MAF: variants seen among roughly 807,000 people sequenced by gnomAD.
MAF encodes transcription factor Maf.
A neutral mutation model predicts 22.0 loss-of-function variants in MAF; 10 were observed. The ratio of observed to expected loss-of-function variants is 0.45; its 90% CI spans 0.28 to 0.77. The LOEUF (loss-of-function observed/expected upper bound fraction) is 0.77, where lower values mean the gene tolerates loss of function less well. Among genes scored for constraint, MAF ranks in the 30% least tolerant of loss-of-function variants. The probability of loss-of-function intolerance (pLI) is 0.12; values close to 1 mark genes in which losing one functional copy is unlikely to be tolerated. For missense variants in MAF, 544 were observed against 548.4 expected (o/e 0.99, Z 0.08); for synonymous variants, 337 against 255.8 (o/e 1.32, Z -3.03).
the MAF span, among the ~76,000 whole-genome samples, chr16:79,494,284 G>A: frequency 6.6e-6 from 1 of 152,112 alleles, no homozygotes; most frequent in Admixed American, 6.6e-5. Context: ...AAAAAATTGG[G>A]TTTGCCCATT....
At chr16:79,374,544 A>G in the MAF span, among the ~76,000 whole-genome samples, 1 of 152,188 alleles carries the variant, frequency 6.6e-6, no homozygotes, top group Admixed American at 6.5e-5. Flanking sequence ...GACACCTGGT[A>G]ATATTTCCAA....
chr16:79,528,270 C>G, the MAF span, among the ~76,000 whole-genome samples: 5 of 152,196 alleles, frequency 3.3e-5, no homozygotes, highest in South Asian at 1.0e-3. Flanking sequence ...GCCCTTTGTC[C>G]CCTCTCATGG....
the MAF span, among the ~76,000 whole-genome samples, chr16:79,287,236 T>C: frequency 2.0e-5 from 3 of 152,268 alleles, no homozygotes; most frequent in Admixed American, 2.0e-4. Flanking sequence ...GGTGTTCTCT[T>C]TCACTTCCTG....
At chr16:79,257,337 C>T in the MAF span, among the ~76,000 whole-genome samples, 22 of 152,086 alleles carry the variant, frequency 1.4e-4, no homozygotes, top group African/African-American at 5.3e-4. Context: ...TAAGGTCTTT[C>T]TCTACTAGCT....
the MAF span, among the ~76,000 whole-genome samples, chr16:79,549,409 T>C: frequency 6.6e-6 from 1 of 152,164 alleles, no homozygotes; most frequent in African/African-American, 2.4e-5. Context: ...CCACTATCCT[T>C]TAAGAAAGCC....
At chr16:79,549,542 C>A in the MAF span, among the ~76,000 whole-genome samples, 1 of 152,208 alleles carries the variant, frequency 6.6e-6, no homozygotes, top group African/African-American at 2.4e-5. Context: ...TGAATCGATT[C>A]TCTGCCTGGC....
chr16:79,474,196 C>T, the MAF span, among the ~76,000 whole-genome samples: 1 of 152,130 alleles, frequency 6.6e-6, no homozygotes, highest in East Asian at 1.9e-4. Context: ...AAGGGCTACC[C>T]CCTCCTCCAA....
chr16:79,262,135 G>A, the MAF span, among the ~76,000 whole-genome samples: 1 of 152,172 alleles, frequency 6.6e-6, no homozygotes, highest in Non-Finnish European at 1.5e-5. Flanking sequence ...CACAGCAGGA[G>A]CTTTACATAT....
At chr16:79,440,282 C>T in the MAF span, among the ~76,000 whole-genome samples, 21 of 152,328 alleles carry the variant, frequency 1.4e-4, no homozygotes, top group Non-Finnish European at 2.2e-4. Flanking sequence ...ACCATATTCA[C>T]AGAGCCAGAA....
the MAF span, among the ~76,000 whole-genome samples, chr16:79,501,571 G>A: frequency 6.6e-6 from 1 of 152,012 alleles, no homozygotes; most frequent in Non-Finnish European, 1.5e-5. Flanking sequence ...TTCCTGATTG[G>A]TAAATTCTTA....
chr16:79,388,516 A>G, the MAF span, among the ~76,000 whole-genome samples: 23 of 152,276 alleles, frequency 1.5e-4, no homozygotes, highest in Admixed American at 1.0e-3. Context: ...TTTCTTGGCT[A>G]TGTATTAACT....
At chr16:79,216,940 G>A in the MAF span, among the ~76,000 whole-genome samples, 1 of 151,810 alleles carries the variant, frequency 6.6e-6, no homozygotes, top group Non-Finnish European at 1.5e-5. Flanking sequence ...CTCCTGAATA[G>A]CTGGAATTAC....
the MAF span, among the ~76,000 whole-genome samples, chr16:79,413,273 C>T: frequency 7.5e-4 from 76 of 100,806 alleles, no homozygotes; most frequent in Middle Eastern, 0.023. Context: ...GACGGAGTCT[C>T]GCTCTGTCAC....
chr16:79,285,565 C>G, the MAF span, among the ~76,000 whole-genome samples: 1 of 152,164 alleles, frequency 6.6e-6, no homozygotes, highest in African/African-American at 2.4e-5. Context: ...ACCGCTGACT[C>G]TGAATTTCTG....
the MAF span, among the ~76,000 whole-genome samples, chr16:79,453,773 C>G: frequency 6.6e-6 from 1 of 152,072 alleles, no homozygotes; most frequent in Non-Finnish European, 1.5e-5. Flanking sequence ...TTCATTCAGC[C>G]CATATTTATT....
At chr16:79,236,591 G>C in the MAF span, among the ~76,000 whole-genome samples, 1 of 152,042 alleles carries the variant, frequency 6.6e-6, no homozygotes, top group African/African-American at 2.4e-5. Context: ...TTAAGACACA[G>C]AAGGGGCTCA....
the MAF span, among the ~76,000 whole-genome samples, chr16:79,404,324 G>A: frequency 8.6e-5 from 13 of 151,922 alleles, no homozygotes; most frequent in South Asian, 6.3e-4. Context: ...CCACCACACC[G>A]TGCTAATTTT....
At chr16:79,579,730 A>G in the MAF span, among the ~76,000 whole-genome samples, 13 of 152,212 alleles carry the variant, frequency 8.5e-5, no homozygotes, top group South Asian at 2.1e-4. Context: ...CAAATTCACA[A>G]TGAAATCACA....
the MAF span, among the ~76,000 whole-genome samples, chr16:79,464,280 A>G: frequency 1.3e-5 from 2 of 152,170 alleles, no homozygotes; most frequent in African/African-American, 4.8e-5. Context: ...GCAAGCATGA[A>G]GTGTGCGTAG....
Sources: allele counts gnomAD v4.1 joint callset (sites outside exome capture counted in the v4.1 genomes callset), GRCh38; gene constraint gnomAD v4.1.1; transcripts MANE v1.5; gene names NCBI Gene and HGNC (gene_info 2026-07-23, HGNC 2026-07-21).